TGFA: variants seen among roughly 807,000 people sequenced by gnomAD.
The protein encoded by TGFA is protransforming growth factor alpha.
In TGFA, 12 loss-of-function variants were observed where a neutral mutation model predicts 21.7. The ratio of observed to expected loss-of-function variants is 0.55; its 90% CI spans 0.35 to 0.90. The LOEUF (loss-of-function observed/expected upper bound fraction) is 0.90. Among genes scored for constraint, TGFA ranks in the 40% least tolerant of loss-of-function variants. TGFA has a pLI of 0.01. For missense variants in TGFA, 178 were observed against 210.8 expected, an observed-to-expected ratio of 0.84 and a Z score of 0.96; for synonymous variants, 79 against 88.1, an observed-to-expected ratio of 0.90 and a Z score of 0.58.
intron 2 of TGFA, among the ~76,000 whole-genome samples, chr2:70,514,429 T>C: frequency 6.6e-6 from 1 of 151,936 alleles, no homozygotes; most frequent in South Asian, 2.1e-4. Context: ...ACCGATTTTT[T>C]TTTTTTTTTT....
intron 1 of TGFA, among the ~76,000 whole-genome samples, chr2:70,519,151 T>C (rs1442226618): frequency 6.6e-6 from 1 of 152,096 alleles, no homozygotes; most frequent in African/African-American, 2.4e-5. Context: ...GTGTGGGTAT[T>C]CAGAGGGCAG....
chr2:70,514,741 G>T (rs1048036167), intron 2 of TGFA, 118 bp downstream of exon 2: 2 of 1,101,134 alleles, frequency 1.8e-6, no homozygotes. Flanking sequence ...AGAGGACTCC[G>T]GGACAGGCGT....
At chr2:70,538,581 T>C (rs1597253) in intron 1 of TGFA, among the ~76,000 whole-genome samples, 26,767 of 152,218 alleles carry the variant, frequency 0.18, 2,775 homozygotes, top group East Asian at 0.27. Flanking sequence ...AGGAAGCAAC[T>C]ACAGATGTGG....
At chr2:70,536,158 C>T (rs916493652) in intron 1 of TGFA, among the ~76,000 whole-genome samples, 5 of 152,130 alleles carry the variant, frequency 3.3e-5, no homozygotes, top group South Asian at 2.1e-4. Context: ...TATTGAGAGA[C>T]GCAGAAATAG....
intron 5 of TGFA, among the ~76,000 whole-genome samples, chr2:70,452,020 A>G (rs1439624292): frequency 2.0e-5 from 3 of 152,238 alleles, no homozygotes; most frequent in African/African-American, 7.2e-5. Context: ...ATTGAAATAA[A>G]GAACAAACAC....
At chr2:70,475,348 A>C (rs1167195838) in intron 2 of TGFA, among the ~76,000 whole-genome samples, 1 of 152,186 alleles carries the variant, frequency 6.6e-6, no homozygotes, top group Non-Finnish European at 1.5e-5. Context: ...TCTTGCAAGG[A>C]AATCCTCACT....
chr2:70,484,431 C>T (rs187245521), intron 2 of TGFA, among the ~76,000 whole-genome samples: 40 of 152,234 alleles, frequency 2.6e-4, no homozygotes, highest in Non-Finnish European at 3.8e-4. Context: ...TTTGATATCC[C>T]GATTATTTTT....
intron 1 of TGFA, among the ~76,000 whole-genome samples, chr2:70,532,547 G>C (rs1672842757): frequency 6.6e-6 from 1 of 152,192 alleles, no homozygotes; most frequent in Non-Finnish European, 1.5e-5. Context: ...CATTCACAAG[G>C]GCGGCTGGTG....
At chr2:70,476,104 AAAAT>A (rs1670924022) in intron 2 of TGFA, among the ~76,000 whole-genome samples, 2 of 150,680 alleles carry the variant, frequency 1.3e-5, no homozygotes, top group Admixed American at 6.6e-5. Flanking sequence ...AAAAAAAAAA[AAAAT>A]TAAGAAAATT....
At chr2:70,491,851 A>G (rs1275708410) in intron 2 of TGFA, among the ~76,000 whole-genome samples, 1 of 152,066 alleles carries the variant, frequency 6.6e-6, no homozygotes, top group Non-Finnish European at 1.5e-5. Flanking sequence ...CCAGGGCAGC[A>G]CTCCACACAT....
chr2:70,545,182 G>C (rs1192962046), intron 1 of TGFA, among the ~76,000 whole-genome samples: 1 of 151,886 alleles, frequency 6.6e-6, no homozygotes, highest in Non-Finnish European at 1.5e-5. Context: ...TTGTAAAAAT[G>C]TTGGAAGGAG....
intron 3 of TGFA, among the ~76,000 whole-genome samples, chr2:70,462,416 G>A (rs1443840153): frequency 6.6e-6 from 1 of 152,214 alleles, no homozygotes; most frequent in Non-Finnish European, 1.5e-5. Flanking sequence ...ATGGCAAAGT[G>A]AGCCAAGTGG....
chr2:70,547,450 T>G (rs1237431767), intron 1 of TGFA, among the ~76,000 whole-genome samples: 1 of 149,914 alleles, frequency 6.7e-6, no homozygotes, highest in African/African-American at 2.5e-5. Flanking sequence ...AAAAATTAGC[T>G]GGAAATCACT....
At chr2:70,512,795 G>A (rs1237751190) in intron 2 of TGFA, among the ~76,000 whole-genome samples, 2 of 152,210 alleles carry the variant, frequency 1.3e-5, no homozygotes, top group East Asian at 3.9e-4. Flanking sequence ...GAGACTTGGA[G>A]GAGGGGGTCA....
chr2:70,537,766 A>G (rs1471773523), intron 1 of TGFA, among the ~76,000 whole-genome samples: 1 of 152,256 alleles, frequency 6.6e-6, no homozygotes, highest in African/African-American at 2.4e-5. Context: ...ATAACATGAC[A>G]GTGCACAGCG....
At chr2:70,487,662 A>G (rs1376100229) in intron 2 of TGFA, among the ~76,000 whole-genome samples, 2 of 152,218 alleles carry the variant, frequency 1.3e-5, no homozygotes, top group Non-Finnish European at 2.9e-5. Context: ...AGGGATGCTT[A>G]GTCTGGACAT....
At chr2:70,472,643 T>G (rs572670266) in intron 2 of TGFA, among the ~76,000 whole-genome samples, 1 of 152,322 alleles carries the variant, frequency 6.6e-6, no homozygotes, top group African/African-American at 2.4e-5. Context: ...CCAACAGCCC[T>G]GCTCCCCTGG....
At chr2:70,451,817 C>G in intron 5 of TGFA, 1 of 679,970 alleles carries the variant, frequency 1.5e-6, no homozygotes, top group South Asian at 1.6e-5. Context: ...CCTCACTCCC[C>G]CACTGATTCC....
At chr2:70,483,365 A>C (rs1271917383) in intron 2 of TGFA, among the ~76,000 whole-genome samples, 1 of 152,106 alleles carries the variant, frequency 6.6e-6, no homozygotes, top group East Asian at 1.9e-4. Context: ...CCATTCTCTG[A>C]GCAATTTTTA....
Sources: gnomAD v4.1 joint callset for allele counts (sites outside exome capture counted in the v4.1 genomes callset) on GRCh38, gnomAD v4.1.1 for gene constraint, MANE v1.5 for transcripts, NCBI Gene and HGNC (gene_info 2026-07-23, HGNC 2026-07-21) for gene names.